Variants in GRID2 observed in about 807,000 individuals in gnomAD.
The protein encoded by GRID2 is glutamate receptor ionotropic, delta-2.
A neutral mutation model predicts 114.8 loss-of-function variants in GRID2; 33 were observed. That is an observed-to-expected ratio of 0.29 (90% CI 0.22 to 0.38). GRID2 has a LOEUF of 0.38. Ranked by LOEUF, GRID2 falls within the 10% of genes least tolerant of loss-of-function variation. GRID2 has a pLI of 1.00. For synonymous variants in GRID2, 505 were observed against 449.9 expected (o/e 1.12, Z -1.55); for missense variants, 1,184 against 1,257.7 (o/e 0.94, Z 0.89).
chr4:93,745,670 TTC>T (rs1731782754), intron 14 of GRID2, among the ~76,000 whole-genome samples: 1 of 152,176 alleles, frequency 6.6e-6, no homozygotes, highest in African/African-American at 2.4e-5. Flanking sequence ...CAGTGTGAGC[TTC>T]TCTTTCGTAA....
At chr4:92,922,287 C>T (rs1034574808) in intron 2 of GRID2, among the ~76,000 whole-genome samples, 5 of 152,142 alleles carry the variant, frequency 3.3e-5, no homozygotes, top group Admixed American at 6.5e-5. Flanking sequence ...TGACCCCTTG[C>T]GCTTCCCTGG....
At chr4:92,912,886 T>G (rs566186488) in intron 2 of GRID2, among the ~76,000 whole-genome samples, 20 of 151,916 alleles carry the variant, frequency 1.3e-4, no homozygotes, top group Middle Eastern at 3.4e-3. Flanking sequence ...TGAGTTGTAA[T>G]TTACCCATGA....
intron 2 of GRID2, among the ~76,000 whole-genome samples, chr4:93,071,583 G>T (rs1341632105): frequency 1.3e-5 from 2 of 152,110 alleles, no homozygotes; most frequent in Non-Finnish European, 2.9e-5. Flanking sequence ...CTGAGGATTT[G>T]CATGAAGAAA....
At chr4:93,000,909 T>C (rs1182124202) in intron 2 of GRID2, among the ~76,000 whole-genome samples, 1 of 151,594 alleles carries the variant, frequency 6.6e-6, no homozygotes, top group African/African-American at 2.4e-5. Context: ...AATACACCCA[T>C]GTAACAAACC....
chr4:92,313,121 G>GTA lies in GRID2; in HGVS notation c.88+8381_88+8382dup, dbSNP rs1553923072. Among the ~76,000 whole-genome samples the GTA allele has an allele frequency of 8.2e-4, 112 of 136,708 alleles. 1 individual carries two copies. The highest frequency in any genetic ancestry group is 2.7e-3 in the African/African-American group (106 of 38,792). 89.7% of individuals were successfully genotyped at this position (136,708 alleles called of 152,430 possible). ...TGTGTGTGTGTGTGTGTGTGTGTGT[G>GTA]TATATGAGATGGAATACTACTCAGC... On this transcript the variant is annotated intron_variant, in intron 1 of 15. Transcript: ENST00000282020.
intron 4 of GRID2, among the ~76,000 whole-genome samples, chr4:93,178,589 T>C (rs968291299): frequency 2.0e-5 from 3 of 151,764 alleles, no homozygotes; most frequent in East Asian, 3.9e-4. Context: ...GATCTCTCTA[T>C]GTTGCCCAGG....
chr4:93,044,075 A>T (rs933125025), intron 2 of GRID2, among the ~76,000 whole-genome samples: 2 of 152,142 alleles, frequency 1.3e-5, no homozygotes, highest in Admixed American at 1.3e-4. Context: ...TTCCAAAATT[A>T]TTTAGATAAC....
At chr4:92,351,006 T>G (rs1443176968) in intron 1 of GRID2, among the ~76,000 whole-genome samples, 1 of 151,930 alleles carries the variant, frequency 6.6e-6, no homozygotes, top group Non-Finnish European at 1.5e-5. Context: ...GTATCAGTAC[T>G]TCATACTTTT....
intron 14 of GRID2, among the ~76,000 whole-genome samples, chr4:93,663,254 C>G (rs1723656389): frequency 6.6e-6 from 1 of 152,192 alleles, no homozygotes; most frequent in Non-Finnish European, 1.5e-5. Flanking sequence ...CACAGCAGAA[C>G]ATAGTGCCTA....
At chr4:93,672,951 A>T (rs1442507611) in intron 14 of GRID2, among the ~76,000 whole-genome samples, 1 of 152,214 alleles carries the variant, frequency 6.6e-6, no homozygotes, top group African/African-American at 2.4e-5. Flanking sequence ...ACTCAAAATC[A>T]TTTTATATTG....
chr4:93,043,555 T>C (rs1257094403), intron 2 of GRID2, among the ~76,000 whole-genome samples: 2 of 152,162 alleles, frequency 1.3e-5, no homozygotes, highest in African/African-American at 2.4e-5. Context: ...GGAGTTTATT[T>C]CCGAAAGTGT....
rs1739305178 is a variant in GRID2 at position 93,598,231 on chromosome 4, A to G, written c.2194-28038A>G. Among the ~76,000 whole-genome samples, 2 of 152,184 alleles carry G rather than the reference A, an allele frequency of 1.3e-5. 1 individual carries two copies. Among genetic ancestry groups the G allele is most frequent in the South Asian group, 4.1e-4 (2 of 4,834 alleles). On this transcript the variant is annotated intron_variant, in intron 13 of 15. Transcript: ENST00000282020. ...CTCTGTGTTCTTAGATCCAAATGAT[A>G]TCACTTATTGTTATAGCTTCCATTC...
At chr4:92,510,061 T>C in intron 1 of GRID2, among the ~76,000 whole-genome samples, 1 of 151,832 alleles carries the variant, frequency 6.6e-6, no homozygotes, top group East Asian at 1.9e-4. Context: ...TGTATTGGGT[T>C]GGAAGGGTTG....
intron 2 of GRID2, among the ~76,000 whole-genome samples, chr4:92,870,246 A>T (rs1035669552): frequency 2.2e-4 from 33 of 151,256 alleles, no homozygotes; most frequent in African/African-American, 6.1e-4. Flanking sequence ...TATATATATA[A>T]TATATTAAGT....
intron 10 of GRID2, among the ~76,000 whole-genome samples, chr4:93,441,127 C>T (rs552474948): frequency 1.8e-4 from 28 of 152,172 alleles, no homozygotes; most frequent in African/African-American, 6.5e-4. Context: ...CTGAAATCCA[C>T]GGTTGGCTAT....
intron 10 of GRID2, among the ~76,000 whole-genome samples, chr4:93,429,107 T>C (rs1019789816): frequency 1.3e-5 from 2 of 152,228 alleles, no homozygotes; most frequent in Non-Finnish European, 2.9e-5. Flanking sequence ...CTACTGCCAC[T>C]GCTGCTGCAG....
chr4:93,772,261 A>G lies in GRID2; in HGVS notation c.2787A>G (p.Thr929=). 8.1e-6 allele frequency: 13 copies of G among 1,614,096 alleles called. No individual in the cohort carries two copies. The highest frequency in any genetic ancestry group is 1.0e-5 in the Non-Finnish European group (12 of 1,179,970). ...ATTTCAGGAACACTCATATTACCAC[A>G]ACAACCTTTATCCCAGAGCAGATCC... ...ISDFRNTHIT[T]TTFIPEQIQT... The change falls in exon 16 of 16, where the codon ACA becomes ACG. Residue 929 remains threonine (T), a synonymous_variant. Transcript: ENST00000282020.
At chr4:93,735,159 T>TA (rs1730815065) in intron 14 of GRID2, among the ~76,000 whole-genome samples, 1 of 151,798 alleles carries the variant, frequency 6.6e-6, no homozygotes, top group African/African-American at 2.4e-5. Flanking sequence ...AATTGTTAAG[T>TA]AAAAAAGACC....
chr4:92,803,901 T>G (rs1283306288), intron 2 of GRID2, among the ~76,000 whole-genome samples: 1 of 152,108 alleles, frequency 6.6e-6, no homozygotes, highest in Middle Eastern at 3.4e-3. Flanking sequence ...AGTAGAGTCA[T>G]GCTCTCTCCA....
Sources: gnomAD v4.1 joint callset for allele counts (sites outside exome capture counted in the v4.1 genomes callset) on GRCh38, gnomAD v4.1.1 for gene constraint, MANE v1.5 for transcripts, NCBI Gene and HGNC (gene_info 2026-07-23, HGNC 2026-07-21) for gene names.